The following KCNQ3 variants were observed in gnomAD, a reference collection of about 807,000 sequenced individuals.
The protein encoded by KCNQ3 is potassium voltage-gated channel subfamily KQT member 3.
Under a neutral mutation model 92.5 loss-of-function variants are expected in KCNQ3, and 30 were observed. The observed-to-expected ratio is 0.32, with a 90% CI of 0.24 to 0.44. The LOEUF is 0.44. KCNQ3 is among the 20% of genes least tolerant of loss of function. The probability of loss-of-function intolerance (pLI) is 1.00; values close to 1 mark genes in which losing one functional copy is unlikely to be tolerated. For synonymous variants in KCNQ3, 450 were observed against 468.8 expected, an observed-to-expected ratio of 0.96 and a Z score of 0.52; for missense variants, 913 against 1,140.3, an observed-to-expected ratio of 0.80 and a Z score of 2.87.
At chr8:132,154,453 G>A (rs113553078) in intron 9 of KCNQ3, among the ~76,000 whole-genome samples, 45 of 152,138 alleles carry the variant, frequency 3.0e-4, no homozygotes, top group African/African-American at 9.6e-4. Context: ...TTTGACTGCC[G>A]TTTTCCCAAA....
At chr8:132,355,663 G>T (rs1372012241) in intron 1 of KCNQ3, among the ~76,000 whole-genome samples, 2 of 152,130 alleles carry the variant, frequency 1.3e-5, no homozygotes, top group South Asian at 4.1e-4. Context: ...GGGATGAGAA[G>T]GGGAATGCTG....
At chr8:132,225,669 A>C (rs1814388037) in intron 1 of KCNQ3, among the ~76,000 whole-genome samples, 1 of 152,196 alleles carries the variant, frequency 6.6e-6, no homozygotes. Context: ...ATGGGTTATC[A>C]TGGGAGTATT....
intron 1 of KCNQ3, among the ~76,000 whole-genome samples, chr8:132,372,876 G>A (rs965699906): frequency 4.6e-5 from 7 of 152,006 alleles, no homozygotes; most frequent in Non-Finnish European, 1.0e-4. Context: ...AATATTAGAG[G>A]CAGAAAGGCA....
intron 1 of KCNQ3, among the ~76,000 whole-genome samples, chr8:132,351,157 C>T (rs1445238689): frequency 2.0e-5 from 3 of 152,152 alleles, no homozygotes; most frequent in African/African-American, 7.2e-5. Context: ...TACAGTAACA[C>T]AAATGATCCC....
chr8:132,369,947 C>T (rs550118584), intron 1 of KCNQ3, among the ~76,000 whole-genome samples: 1 of 152,210 alleles, frequency 6.6e-6, no homozygotes, highest in African/African-American at 2.4e-5. Context: ...CTAGGGCTTT[C>T]CCATGCTGCT....
intron 1 of KCNQ3, among the ~76,000 whole-genome samples, chr8:132,380,615 C>T (rs1036764433): frequency 2.0e-5 from 3 of 152,128 alleles, no homozygotes; most frequent in East Asian, 1.9e-4. Flanking sequence ...CCCACACACC[C>T]GTGGCTGCAG....
intron 1 of KCNQ3, among the ~76,000 whole-genome samples, chr8:132,235,490 G>A (rs972619417): frequency 4.6e-5 from 7 of 152,142 alleles, no homozygotes; most frequent in African/African-American, 1.4e-4. Flanking sequence ...GACAGAGTGA[G>A]ACGCCATCTC....
chr8:132,251,307 G>T (rs1815401873), intron 1 of KCNQ3, among the ~76,000 whole-genome samples: 1 of 152,150 alleles, frequency 6.6e-6, no homozygotes, highest in Non-Finnish European at 1.5e-5. Flanking sequence ...CAAAAAAGCT[G>T]CCTTCATTGA....
intron 1 of KCNQ3, among the ~76,000 whole-genome samples, chr8:132,374,783 T>C (rs147562635): frequency 4.6e-4 from 70 of 152,166 alleles, no homozygotes; most frequent in African/African-American, 1.6e-3. Flanking sequence ...TGGTATCTGG[T>C]TTTCTGTTCC....
At chr8:132,375,765 G>C (rs1819589375) in intron 1 of KCNQ3, among the ~76,000 whole-genome samples, 3 of 152,028 alleles carry the variant, frequency 2.0e-5, no homozygotes, top group Non-Finnish European at 4.4e-5. Flanking sequence ...CTCTTCTCCT[G>C]GCCCACTCCT....
chr8:132,422,417 A>G (rs1820994752), intron 1 of KCNQ3, among the ~76,000 whole-genome samples: 1 of 152,106 alleles, frequency 6.6e-6, no homozygotes, highest in African/African-American at 2.4e-5. Flanking sequence ...ACAGCCTCAA[A>G]GCATATGTTT....
chr8:132,378,992 T>A (rs1777638380), intron 1 of KCNQ3, among the ~76,000 whole-genome samples: 1 of 152,242 alleles, frequency 6.6e-6, no homozygotes, highest in Admixed American at 6.5e-5. Flanking sequence ...ATGGGAACCA[T>A]AAAGTTATTG....
chr8:132,231,932 C>T (rs1814658800), intron 1 of KCNQ3, among the ~76,000 whole-genome samples: 1 of 152,200 alleles, frequency 6.6e-6, no homozygotes, highest in Non-Finnish European at 1.5e-5. Context: ...GCCCCCACAA[C>T]ATTCCAGGCA....
intron 1 of KCNQ3, among the ~76,000 whole-genome samples, chr8:132,316,736 A>G (rs909040644): frequency 1.3e-5 from 2 of 152,228 alleles, no homozygotes; most frequent in Non-Finnish European, 2.9e-5. Context: ...GTTAATAATA[A>G]TTAACAATTG....
intron 1 of KCNQ3, among the ~76,000 whole-genome samples, chr8:132,393,039 C>T (rs891192516): frequency 1.3e-5 from 2 of 152,126 alleles, no homozygotes; most frequent in African/African-American, 4.8e-5. Flanking sequence ...ATGAAGCACA[C>T]AGTAGGTACT....
intron 8 of KCNQ3, among the ~76,000 whole-genome samples, chr8:132,169,287 C>T (rs2130103478): frequency 6.6e-6 from 1 of 152,274 alleles, no homozygotes; most frequent in Non-Finnish European, 1.5e-5. Context: ...CTACTTTGCA[C>T]AATACCCCCA....
intron 10 of KCNQ3, 74 bp downstream of exon 10, chr8:132,141,055 G>A (rs975352321): frequency 1.5e-6 from 2 of 1,364,746 alleles, no homozygotes; most frequent in African/African-American, 2.9e-5. Context: ...TGGGCAAAGG[G>A]AGAGGTGAGG....
At chr8:132,252,465 A>C (rs1815445634) in intron 1 of KCNQ3, among the ~76,000 whole-genome samples, 1 of 152,158 alleles carries the variant, frequency 6.6e-6, no homozygotes, top group Admixed American at 6.5e-5. Flanking sequence ...AGACCCTCGC[A>C]GTGAGTGTTA....
intron 1 of KCNQ3, among the ~76,000 whole-genome samples, chr8:132,250,383 G>A (rs1163335636): frequency 2.6e-5 from 4 of 152,174 alleles, no homozygotes; most frequent in African/African-American, 9.7e-5. Flanking sequence ...GAAGAAAAAC[G>A]GAAAGGCCAA....
Sources: gnomAD v4.1 joint callset for allele counts (sites outside exome capture counted in the v4.1 genomes callset) on GRCh38, gnomAD v4.1.1 for gene constraint, MANE v1.5 for transcripts, NCBI Gene and HGNC (gene_info 2026-07-23, HGNC 2026-07-21) for gene names.